Variants in FRAS1 observed in about 807,000 individuals in gnomAD.
The protein encoded by FRAS1 is Fraser extracellular matrix complex subunit 1.
FRAS1 carries 290 observed loss-of-function variants against 435.2 expected under a neutral mutation model. That is an observed-to-expected ratio of 0.67 (90% CI 0.61 to 0.73). The LOEUF is 0.73. Ranked by LOEUF, FRAS1 falls within the 30% of genes least tolerant of loss-of-function variation. FRAS1 has a pLI of 0.00. For synonymous variants in FRAS1, 1,800 were observed against 1,851.0 expected (o/e 0.97, Z 0.71); for missense variants, 4,860 against 5,001.5 (o/e 0.97, Z 0.85).
intron 36 of FRAS1, 135 bp downstream of exon 36, chr4:78,429,361 T>A: frequency 9.0e-7 from 1 of 1,113,116 alleles, no homozygotes; most frequent in East Asian, 2.6e-5. Context: ...CCTGTATCCT[T>A]CCTCCTGCCC....
intron 47 of FRAS1, among the ~76,000 whole-genome samples, chr4:78,456,310 A>T (rs1719201498): frequency 6.6e-6 from 1 of 151,632 alleles, no homozygotes; most frequent in African/African-American, 2.4e-5. Context: ...ACCTGGCTCA[A>T]TTTCGTATTT....
At chr4:78,091,978 CA>C (rs34804542) in intron 2 of FRAS1, among the ~76,000 whole-genome samples, 36 of 83,700 alleles carry the variant, frequency 4.3e-4, no homozygotes, top group East Asian at 2.7e-3. Flanking sequence ...GAGACTGTCT[CA>C]AAAAAAAAAA....
intron 2 of FRAS1, among the ~76,000 whole-genome samples, chr4:78,148,879 C>G (rs775658713): frequency 6.6e-6 from 1 of 152,208 alleles, no homozygotes; most frequent in African/African-American, 2.4e-5. Context: ...CATACACCAG[C>G]AGAATCCATG....
intron 2 of FRAS1, among the ~76,000 whole-genome samples, chr4:78,190,845 C>T (rs1364714952): frequency 1.3e-5 from 2 of 152,170 alleles, no homozygotes; most frequent in Non-Finnish European, 2.9e-5. Flanking sequence ...TAAGACCTAA[C>T]ATCCAATGTG....
At chr4:78,199,096 C>A (rs1030224618) in intron 2 of FRAS1, among the ~76,000 whole-genome samples, 1 of 152,132 alleles carries the variant, frequency 6.6e-6, no homozygotes, top group African/African-American at 2.4e-5. Context: ...TTATTGAGAG[C>A]AGGAACAATT....
At chr4:78,374,008 C>G (rs2110310836) in intron 24 of FRAS1, 103 bp from the exon 25 acceptor site, 1 of 1,128,192 alleles carries the variant, frequency 8.9e-7, no homozygotes, top group Non-Finnish European at 1.2e-6. Flanking sequence ...GCCCAGTACA[C>G]TAGGCTGTAC....
At chr4:78,434,701 G>A (rs1409223346) in intron 38 of FRAS1, among the ~76,000 whole-genome samples, 1 of 151,916 alleles carries the variant, frequency 6.6e-6, no homozygotes, top group Admixed American at 6.6e-5. Flanking sequence ...CCAGATATGA[G>A]ATCAACAGAC....
At chr4:78,391,685 C>T (rs1014098294) in intron 29 of FRAS1, among the ~76,000 whole-genome samples, 1 of 152,096 alleles carries the variant, frequency 6.6e-6, no homozygotes, top group African/African-American at 2.4e-5. Context: ...CTGGGTAATC[C>T]TTTAATGTCA....
At chr4:78,166,035 T>A (rs1170194578) in intron 2 of FRAS1, among the ~76,000 whole-genome samples, 1 of 152,202 alleles carries the variant, frequency 6.6e-6, no homozygotes, top group Non-Finnish European at 1.5e-5. Context: ...TTTTACAGTT[T>A]ATTTACTACA....
chr4:78,133,315 A>C (rs1250512337), intron 2 of FRAS1, among the ~76,000 whole-genome samples: 1 of 152,106 alleles, frequency 6.6e-6, no homozygotes, highest in Non-Finnish European at 1.5e-5. Context: ...CCTAAAAATC[A>C]AATCAAAACA....
At chr4:78,294,324 CA>C (rs1215917304) in intron 14 of FRAS1, among the ~76,000 whole-genome samples, 1 of 152,126 alleles carries the variant, frequency 6.6e-6, no homozygotes, top group Non-Finnish European at 1.5e-5. Flanking sequence ...CTGGAGTAGA[CA>C]ATAGGCATTT....
At chr4:78,482,348 G>A (rs762073283) in intron 57 of FRAS1, 40 bp from the exon 58 acceptor site, 3 of 1,612,820 alleles carry the variant, frequency 1.9e-6, no homozygotes, top group East Asian at 2.2e-5. Context: ...GGTGTTAGAT[G>A]GTGGGTCCTC....
intron 2 of FRAS1, among the ~76,000 whole-genome samples, chr4:78,122,449 G>A (rs1413586263): frequency 1.3e-5 from 2 of 152,094 alleles, no homozygotes; most frequent in African/African-American, 4.8e-5. Context: ...CTGTGCATGT[G>A]TCTTTATCAT....
chr4:78,128,228 T>G (rs1370808418), intron 2 of FRAS1, among the ~76,000 whole-genome samples: 2 of 152,190 alleles, frequency 1.3e-5, no homozygotes, highest in African/African-American at 4.8e-5. Flanking sequence ...TGCATGTGTC[T>G]TTATAGCAGC....
In FRAS1 at chr4:78,472,239, G is replaced by C. The variant is rs750729569; in HGVS notation, c.7431G>C (p.Ala2477=). 3.1e-6 allele frequency: 5 copies of C among 1,613,886 alleles called. No individual in the cohort carries two copies. The Admixed American group carries it at 8.3e-5, about 27-fold the overall frequency. ...CCATGGACCCAGACACCGAGGACGC[G>C]CAGCTTGTCTATGAGATAACGACGG... ...LLTMDPDTED[A]QLVYEITTGP... The change falls in exon 52 of 74, where the codon GCG becomes GCC. Residue 2477 remains alanine (A), a synonymous_variant. Coordinates refer to ENST00000512123, the MANE Select transcript of FRAS1 (RefSeq NM_025074.7).
At chr4:78,482,006 G>A (rs780709748) in intron 57 of FRAS1, 42 bp downstream of exon 57, 26 of 1,588,220 alleles carry the variant, frequency 1.6e-5, no homozygotes, top group African/African-American at 8.2e-5. Flanking sequence ...TTGACAGGTC[G>A]GTTTGTGAAT....
chr4:78,374,576 A>G (rs1731681554), intron 25 of FRAS1, among the ~76,000 whole-genome samples: 1 of 152,218 alleles, frequency 6.6e-6, no homozygotes, highest in South Asian at 2.1e-4. Flanking sequence ...CCCTGTTGAT[A>G]TAGACATAGA....
At chr4:78,155,584 T>A (rs1720850453) in intron 2 of FRAS1, among the ~76,000 whole-genome samples, 1 of 152,234 alleles carries the variant, frequency 6.6e-6, no homozygotes, top group South Asian at 2.1e-4. Context: ...CTTTTTCTAA[T>A]ACAGAAACCC....
intron 35 of FRAS1, among the ~76,000 whole-genome samples, chr4:78,428,295 G>A (rs1181497775): frequency 6.6e-6 from 1 of 151,812 alleles, no homozygotes; most frequent in African/African-American, 2.4e-5. Context: ...TAGAGACATT[G>A]GTATGGGTAT....
Sources: gnomAD v4.1 joint callset for allele counts (sites outside exome capture counted in the v4.1 genomes callset) on GRCh38, gnomAD v4.1.1 for gene constraint, MANE v1.5 for transcripts, NCBI Gene and HGNC (gene_info 2026-07-23, HGNC 2026-07-21) for gene names.